Variants in GRXCR1 observed in about 807,000 individuals in gnomAD.
The protein encoded by GRXCR1 is glutaredoxin domain-containing cysteine-rich protein 1.
In GRXCR1, 27 loss-of-function variants were observed where a neutral mutation model predicts 27.3. The observed-to-expected ratio is 0.99, with a 90% CI of 0.73 to 1.37. The LOEUF (loss-of-function observed/expected upper bound fraction) is 1.37, where lower values mean the gene tolerates loss of function less well. GRXCR1 is among the 40% of genes most tolerant of loss of function. The pLI is 0.00. For synonymous variants in GRXCR1, 122 were observed against 131.1 expected, an observed-to-expected ratio of 0.93 and a Z score of 0.47; for missense variants, 379 against 354.4, an observed-to-expected ratio of 1.07 and a Z score of -0.56.
intron 2 of GRXCR1, among the ~76,000 whole-genome samples, chr4:42,968,676 C>G (rs1453252833): frequency 4.6e-5 from 7 of 152,040 alleles, no homozygotes; most frequent in Non-Finnish European, 7.4e-5. Flanking sequence ...GTTACTGAAA[C>G]TCTTGCCATC....
intron 1 of GRXCR1, among the ~76,000 whole-genome samples, chr4:42,903,170 A>T (rs1387035656): frequency 7.8e-6 from 1 of 127,800 alleles, no homozygotes; most frequent in Non-Finnish European, 1.7e-5. Flanking sequence ...ACAGTTTTAC[A>T]CATGTTTTAT....
chr4:42,894,372 A>G (rs1198286806), intron 1 of GRXCR1, among the ~76,000 whole-genome samples: 1 of 151,842 alleles, frequency 6.6e-6, no homozygotes, highest in Non-Finnish European at 1.5e-5. Flanking sequence ...AATGTTAACA[A>G]GTTTTTGAAA....
At chr4:43,016,450 A>G (rs1049044043) in intron 2 of GRXCR1, among the ~76,000 whole-genome samples, 24 of 152,120 alleles carry the variant, frequency 1.6e-4, no homozygotes, top group Non-Finnish European at 4.4e-5. Flanking sequence ...TTAACGAAAA[A>G]TTTTTAACCA....
rs139288505 is a variant in GRXCR1, at chr4:42,925,107, A to G, written c.384+31457A>G. Among the ~76,000 whole-genome samples the G allele has an allele frequency of 1.0e-3, 153 of 151,944 alleles. 1 individual carries two copies. Among genetic ancestry groups the G allele is most frequent in the African/African-American group, 3.5e-3 (144 of 41,508 alleles). On this transcript the variant is annotated intron_variant, in intron 1 of 3. Transcript: ENST00000399770. ...ATGAGGAGTTTCTGGAAGCATGAGA[A>G]GATGTCTGAGTATATTTAAAGAGCA...
chr4:42,974,374 T>G (rs1365056837), intron 2 of GRXCR1, among the ~76,000 whole-genome samples: 1 of 152,108 alleles, frequency 6.6e-6, no homozygotes, highest in Non-Finnish European at 1.5e-5. Context: ...AAGGGAAAAC[T>G]GAACAAGATT....
At chr4:43,015,656 C>T (rs930957258) in intron 2 of GRXCR1, among the ~76,000 whole-genome samples, 6 of 151,996 alleles carry the variant, frequency 3.9e-5, no homozygotes, top group African/African-American at 9.6e-5. Flanking sequence ...AGAGTATTTC[C>T]TATAAATTTC....
chr4:42,916,099 G>A (rs368940691), intron 1 of GRXCR1, among the ~76,000 whole-genome samples: 54 of 145,944 alleles, frequency 3.7e-4, no homozygotes, highest in Non-Finnish European at 3.3e-4. Flanking sequence ...CATCATTTCA[G>A]AAAAAAAAAA....
intron 1 of GRXCR1, among the ~76,000 whole-genome samples, chr4:42,920,209 G>A (rs1265921699): frequency 2.0e-5 from 3 of 152,120 alleles, no homozygotes; most frequent in Admixed American, 1.3e-4. Context: ...CAATTGGCAA[G>A]GTGAAGGATG....
At chr4:43,020,567 CTGT>C in intron 3 of GRXCR1, 148 bp downstream of exon 3, 2 of 681,102 alleles carry the variant, frequency 2.9e-6, no homozygotes, top group Admixed American at 4.2e-5. Flanking sequence ...TTGATATCTT[CTGT>C]TATTAGGTTT....
At chr4:42,943,139 A>T (rs570747010) in intron 1 of GRXCR1, among the ~76,000 whole-genome samples, 165 of 152,226 alleles carry the variant, frequency 1.1e-3, no homozygotes, top group African/African-American at 3.8e-3. Context: ...AAATTGTTTT[A>T]TATCTCTGAG....
At chr4:43,027,412 T>C (rs1344002025) in intron 3 of GRXCR1, among the ~76,000 whole-genome samples, 1 of 152,224 alleles carries the variant, frequency 6.6e-6, no homozygotes, top group Non-Finnish European at 1.5e-5. Context: ...AGGGGATAAA[T>C]TATGAAGAAA....
At chr4:42,971,587 C>T (rs1403007405) in intron 2 of GRXCR1, among the ~76,000 whole-genome samples, 1 of 151,974 alleles carries the variant, frequency 6.6e-6, no homozygotes, top group Non-Finnish European at 1.5e-5. Flanking sequence ...AAAAGTTCCA[C>T]CCACGTTCAA....
intron 2 of GRXCR1, among the ~76,000 whole-genome samples, chr4:43,002,057 C>T (rs147642334): frequency 0.2 from 29,874 of 146,718 alleles, 2,156 homozygotes; most frequent in East Asian, 0.36. Context: ...CACCATAGGG[C>T]GGTTTTTCTC....
At chr4:42,987,708 G>C (rs1711825143) in intron 2 of GRXCR1, among the ~76,000 whole-genome samples, 1 of 152,138 alleles carries the variant, frequency 6.6e-6, no homozygotes, top group Non-Finnish European at 1.5e-5. Context: ...ATTTCCCTAT[G>C]AGGTGTGGTT....
At position 42,979,714 on chromosome 4, in the gene GRXCR1, A is replaced by AT. The variant is rs148662541; in HGVS notation, c.627+16587dup. Among the ~76,000 whole-genome samples, 808 of 151,926 alleles carry AT rather than the reference A, an allele frequency of 5.3e-3. 6 individuals carry two copies. The highest frequency in any genetic ancestry group is 0.018 in the African/African-American group (765 of 41,496). On this transcript the variant is annotated intron_variant, in intron 2 of 3. Coordinates refer to ENST00000399770, the MANE Select transcript of GRXCR1 (RefSeq NM_001080476.3). ...CTTCATTTTGAGTTTATTGGAAGAG[A>AT]TTTTTTTGGTGTGTGGGGCAGGTAG...
intron 1 of GRXCR1, among the ~76,000 whole-genome samples, chr4:42,920,772 C>T (rs1336206256): frequency 6.6e-6 from 1 of 152,106 alleles, no homozygotes; most frequent in Non-Finnish European, 1.5e-5. Context: ...ACTCTTCTCT[C>T]ATTTCCTACA....
chr4:42,988,185 C>G (rs1314336806), intron 2 of GRXCR1, among the ~76,000 whole-genome samples: 2 of 152,134 alleles, frequency 1.3e-5, no homozygotes, highest in African/African-American at 4.8e-5. Context: ...GCTGAGAATC[C>G]TGGCTTCATT....
At chr4:42,984,253 T>C (rs1404479100) in intron 2 of GRXCR1, among the ~76,000 whole-genome samples, 1 of 152,238 alleles carries the variant, frequency 6.6e-6, no homozygotes, top group Non-Finnish European at 1.5e-5. Context: ...ACATTTAATC[T>C]CTTTTTTAAA....
chr4:42,974,863 G>A (rs1748474669), intron 2 of GRXCR1, among the ~76,000 whole-genome samples: 1 of 152,080 alleles, frequency 6.6e-6, no homozygotes, highest in Admixed American at 6.6e-5. Context: ...TATATTACAA[G>A]CCCTATTGTC....
Sources: gnomAD v4.1 joint callset for allele counts (sites outside exome capture counted in the v4.1 genomes callset) on GRCh38, gnomAD v4.1.1 for gene constraint, MANE v1.5 for transcripts, NCBI Gene and HGNC (gene_info 2026-07-23, HGNC 2026-07-21) for gene names.